Variants in NIPSNAP1 observed in about 807,000 individuals in gnomAD.
NIPSNAP1 encodes protein NipSnap homolog 1.
In NIPSNAP1, 25 loss-of-function variants were observed where a neutral mutation model predicts 49.2. The observed-to-expected ratio is 0.51, with a 90% CI of 0.37 to 0.71. The LOEUF (loss-of-function observed/expected upper bound fraction) is 0.71, where lower values mean the gene tolerates loss of function less well. Among genes scored for constraint, NIPSNAP1 ranks in the 30% least tolerant of loss-of-function variants. The pLI is 0.00. For missense variants in NIPSNAP1, 294 were observed against 361.0 expected, an observed-to-expected ratio of 0.81 and a Z score of 1.50; for synonymous variants, 143 against 140.7, an observed-to-expected ratio of 1.02 and a Z score of -0.12.
In NIPSNAP1 at chr22:29,568,175, T is replaced by C. The variant is rs1403453566; in HGVS notation, c.367+1018A>G. On this transcript the variant is annotated intron_variant, in intron 4 of 9. Coordinates refer to ENST00000216121, the MANE Select transcript of NIPSNAP1 (RefSeq NM_003634.4). ...GCCTGTGTGACAGAGCAAGACCCTG[T>C]CTCAAAAAAAAAAAAAAAAAAAAAA... 1.3e-4 allele frequency among the ~76,000 whole-genome samples: 9 copies of C among 68,598 alleles called. No individual in the cohort carries two copies. In the Admixed American group the frequency reaches 1.9e-3, roughly 15 times the overall value. 45.0% of individuals were successfully genotyped at this position (68,598 alleles called of 152,430 possible).
intron 4 of NIPSNAP1, among the ~76,000 whole-genome samples, chr22:29,563,577 C>A (rs1009902726): frequency 4.6e-5 from 7 of 151,938 alleles, no homozygotes; most frequent in African/African-American, 1.7e-4. Context: ...ATTATCTGCA[C>A]TGAGTTGAAC....
intron 1 of NIPSNAP1, among the ~76,000 whole-genome samples, chr22:29,575,286 C>A (rs1393886806): frequency 6.6e-6 from 1 of 152,170 alleles, no homozygotes; most frequent in East Asian, 1.9e-4. Flanking sequence ...AGATTAGGGG[C>A]TGGAACACTG....
rs143306668 is a variant in NIPSNAP1 at position 29,562,584 on chromosome 22, G to C, written c.368-722C>G. ...CGCATGCCTGTAATCCCAGCTACTT[G>C]GGAGGCTGAGGCAGGAGAATCACTT... On this transcript the variant is annotated intron_variant, in intron 4 of 9. Coordinates refer to ENST00000216121, the MANE Select transcript of NIPSNAP1 (RefSeq NM_003634.4). Among the ~76,000 whole-genome samples the C allele has an allele frequency of 4.0e-3, 606 of 152,212 alleles. 2 individuals are homozygous for C. Among genetic ancestry groups the C allele is most frequent in the African/African-American group, 0.014 (573 of 41,528 alleles).
intron 8 of NIPSNAP1, among the ~76,000 whole-genome samples, chr22:29,560,401 C>T (rs900323852): frequency 6.6e-6 from 1 of 152,140 alleles, no homozygotes; most frequent in Non-Finnish European, 1.5e-5. Context: ...GCATGCGCCA[C>T]CACGCCCAGC....
At chr22:29,560,606 C>A in intron 8 of NIPSNAP1, 128 bp downstream of exon 8, 1 of 800,462 alleles carries the variant, frequency 1.2e-6, no homozygotes, top group South Asian at 1.4e-5. Context: ...TGTGACTTTA[C>A]ATCTAAGATA....
intron 1 of NIPSNAP1, chr22:29,580,305 G>C: frequency 8.1e-7 from 1 of 1,231,824 alleles, no homozygotes; most frequent in Non-Finnish European, 1.0e-6. Context: ...GCCAGTCAGG[G>C]AGGCCAAGCC....
chr22:29,576,179 CG>C (rs2064450924), intron 1 of NIPSNAP1, among the ~76,000 whole-genome samples: 1 of 150,316 alleles, frequency 6.7e-6, no homozygotes, highest in Non-Finnish European at 1.5e-5. Context: ...CTACCACACC[CG>C]GCTAATTTTT....
chr22:29,578,261 C>T (rs2064470019), intron 1 of NIPSNAP1, among the ~76,000 whole-genome samples: 1 of 151,002 alleles, frequency 6.6e-6, no homozygotes, highest in South Asian at 2.1e-4. Context: ...GTCTTGAACT[C>T]CTGGCCTCAG....
intron 1 of NIPSNAP1, chr22:29,579,870 A>C (rs2064484477): frequency 2.8e-6 from 1 of 351,152 alleles, no homozygotes; most frequent in South Asian, 2.2e-5. Flanking sequence ...TGCCAGGCAA[A>C]CTCTAGGCTT....
chr22:29,580,951 G>T (rs1206366956), intron 1 of NIPSNAP1, 34 bp downstream of exon 1: 7 of 1,480,802 alleles, frequency 4.7e-6, no homozygotes, highest in Non-Finnish European at 5.4e-6. Flanking sequence ...ACCCCACCCC[G>T]CGCGCGTCTA....
At chr22:29,577,491 C>A (rs532911733) in intron 1 of NIPSNAP1, among the ~76,000 whole-genome samples, 9 of 150,998 alleles carry the variant, frequency 6.0e-5, no homozygotes, top group Non-Finnish European at 1.2e-4. Context: ...ACGATCTCAG[C>A]TCACTGCAAC....
rs1569243647 is a variant in NIPSNAP1, at chr22:29,555,405, GT to G, written c.*529del. On this transcript the variant is annotated 3_prime_UTR_variant, in exon 10 of 10. Coordinates refer to ENST00000216121, the MANE Select transcript of NIPSNAP1 (RefSeq NM_003634.4). ...ACCTCCTCCTGACCGTGGTGACGAG[GT>G]TTGTTTGTATTTGTTTTTTTGTTTT... is the stretch of plus-strand genomic sequence containing the variant. 6.2e-6 allele frequency: 1 copy of G among 160,406 alleles called. No homozygotes were observed. The highest frequency in any genetic ancestry group is 6.0e-5 in the Admixed American group (1 of 16,644). The allele number at this position is 160,406 out of a possible 1,614,324, so 9.9% of individuals were successfully genotyped here.
chr22:29,558,415 G>A (rs2064310740), intron 9 of NIPSNAP1, among the ~76,000 whole-genome samples: 1 of 152,124 alleles, frequency 6.6e-6, no homozygotes, highest in Non-Finnish European at 1.5e-5. Context: ...GCTACAGTGA[G>A]CCAAGATCAT....
chr22:29,573,193 C>T (rs575453050), intron 1 of NIPSNAP1, among the ~76,000 whole-genome samples: 10 of 152,156 alleles, frequency 6.6e-5, no homozygotes, highest in South Asian at 2.1e-4. Context: ...TGTGCCACCA[C>T]GCCCAGCTAA....
intron 4 of NIPSNAP1, among the ~76,000 whole-genome samples, chr22:29,565,716 G>A (rs1182189074): frequency 6.6e-6 from 1 of 151,588 alleles, no homozygotes; most frequent in Non-Finnish European, 1.5e-5. Flanking sequence ...AGGTATGATG[G>A]CACACGCCTG....
intron 1 of NIPSNAP1, chr22:29,579,841 T>C (rs1315744686): frequency 3.0e-6 from 1 of 335,084 alleles, no homozygotes; most frequent in Non-Finnish European, 6.0e-6. Flanking sequence ...ACCTACAAAG[T>C]CTGAGTTAGA....
intron 1 of NIPSNAP1, among the ~76,000 whole-genome samples, chr22:29,575,792 G>A (rs2064447569): frequency 1.3e-5 from 2 of 151,378 alleles, no homozygotes; most frequent in African/African-American, 4.9e-5. Context: ...TGGGCTCACT[G>A]CAACCTCCGC....
At chr22:29,573,540 G>A (rs1003587767) in intron 1 of NIPSNAP1, among the ~76,000 whole-genome samples, 1 of 152,020 alleles carries the variant, frequency 6.6e-6, no homozygotes, top group African/African-American at 2.4e-5. Context: ...AGGCCAAGGC[G>A]GGTGGATTAC....
At chr22:29,566,857 C>G (rs2064371568) in intron 4 of NIPSNAP1, among the ~76,000 whole-genome samples, 1 of 152,090 alleles carries the variant, frequency 6.6e-6, no homozygotes, top group East Asian at 1.9e-4. Context: ...GGCGCAGTGG[C>G]TGATGCCTGT....
Sources: allele counts gnomAD v4.1 joint callset (sites outside exome capture counted in the v4.1 genomes callset), GRCh38; gene constraint gnomAD v4.1.1; transcripts MANE v1.5; gene names NCBI Gene and HGNC (gene_info 2026-07-23, HGNC 2026-07-21).